Variants in EPC2 observed in about 807,000 individuals in gnomAD.
The protein encoded by EPC2 is enhancer of polycomb homolog 2.
Under a neutral mutation model 92.1 loss-of-function variants are expected in EPC2, and 14 were observed. The observed-to-expected ratio is 0.15, with a 90% CI of 0.10 to 0.24. EPC2 has a LOEUF of 0.24. Ranked by LOEUF, EPC2 falls within the 10% of genes least tolerant of loss-of-function variation. The pLI is 1.00. For synonymous variants in EPC2, 340 were observed against 334.7 expected (o/e 1.02, Z -0.17); for missense variants, 755 against 971.5 (o/e 0.78, Z 2.96).
At chr2:148,748,598 G>A (rs1683030162) in intron 3 of EPC2, among the ~76,000 whole-genome samples, 1 of 152,080 alleles carries the variant, frequency 6.6e-6, no homozygotes. Flanking sequence ...AATATTTACA[G>A]ATATATAATG....
intron 3 of EPC2, among the ~76,000 whole-genome samples, chr2:148,747,303 T>C (rs545372657): frequency 1.3e-5 from 2 of 152,232 alleles, no homozygotes; most frequent in African/African-American, 2.4e-5. Flanking sequence ...TCTACCTCCA[T>C]ACTACCTTTT....
At chr2:148,754,522 G>A (rs984154555) in intron 4 of EPC2, among the ~76,000 whole-genome samples, 1 of 152,128 alleles carries the variant, frequency 6.6e-6, no homozygotes, top group Non-Finnish European at 1.5e-5. Flanking sequence ...CCTGTGTTTG[G>A]GAAGCTGATA....
Position 148,786,934 on chromosome 2 carries a change from T to G in EPC2, c.*557T>G, listed in dbSNP as rs569580624. The G allele has an allele frequency of 6.5e-6, 1 of 153,002 alleles. No individual in the cohort carries two copies. The highest frequency in any genetic ancestry group is 2.4e-5 in the African/African-American group (1 of 41,580). 9.5% of individuals were successfully genotyped at this position (153,002 alleles called of 1,614,324 possible). On this transcript the variant is annotated 3_prime_UTR_variant, in exon 14 of 14. Transcript: ENST00000258484. ...TGGCATTTCACTGTCAAATATGAAG[T>G]TCAAGGCAAAATAGTATTTTCTATT...
At position 148,671,909 on chromosome 2, in the gene EPC2, AC is replaced by A. The variant is rs1681163166; in HGVS notation, c.154-18303del. ...CCTTGGATTACAAGCCAAATTGAAA[AC>A]CTTTTTGTTTTAGTAGGTGAGTTAA... On this transcript the variant is annotated intron_variant, in intron 1 of 13. Coordinates refer to ENST00000258484, the MANE Select transcript of EPC2 (RefSeq NM_015630.4). 2.0e-5 allele frequency among the ~76,000 whole-genome samples: 3 copies of A among 151,726 alleles called. No homozygotes were observed. The South Asian group carries it at 6.2e-4, about 32-fold the overall frequency.
In EPC2 at chr2:148,678,191, A is replaced by C. The variant is rs181567270; in HGVS notation, c.154-12023A>C. On this transcript the variant is annotated intron_variant, in intron 1 of 13. Coordinates refer to ENST00000258484, the MANE Select transcript of EPC2 (RefSeq NM_015630.4). ...ACAGAGTGTTGATTGGTGCATTCACAAACCTTGAGCTAGACACAGGGTGCT... is the reference window on the plus strand; with the variant it reads ...ACAGAGTGTTGATTGGTGCATTCACCAACCTTGAGCTAGACACAGGGTGCT... 2.3e-3 allele frequency among the ~76,000 whole-genome samples: 355 copies of C among 152,162 alleles called. 2 individuals carry two copies. The highest frequency in any genetic ancestry group is 7.5e-3 in the African/African-American group (312 of 41,516).
chr2:148,747,887 C>A (rs946413103), intron 3 of EPC2, among the ~76,000 whole-genome samples: 1 of 152,044 alleles, frequency 6.6e-6, no homozygotes, highest in African/African-American at 2.4e-5. Flanking sequence ...AACCTTTCCA[C>A]CTAAGCAAGT....
At chr2:148,720,174 G>C (rs1682340781) in intron 2 of EPC2, among the ~76,000 whole-genome samples, 1 of 152,238 alleles carries the variant, frequency 6.6e-6, no homozygotes, top group Non-Finnish European at 1.5e-5. Flanking sequence ...TCAGTGAAGA[G>C]GAATGGATTG....
chr2:148,664,427 G>C (rs1006968227), intron 1 of EPC2, among the ~76,000 whole-genome samples: 1 of 152,184 alleles, frequency 6.6e-6, no homozygotes, highest in Non-Finnish European at 1.5e-5. Context: ...GAGCCTTGGA[G>C]GTCAAGGCTG....
chr2:148,695,470 A>G (rs942426166), intron 2 of EPC2, among the ~76,000 whole-genome samples: 3 of 152,246 alleles, frequency 2.0e-5, no homozygotes, highest in African/African-American at 7.2e-5. Flanking sequence ...ATTGGAAAAG[A>G]GAAAAAGTTA....
chr2:148,784,756 C>T lies in EPC2; in HGVS notation c.2106C>T (p.His702=), dbSNP rs767295097. The T allele has an allele frequency of 6.2e-6, 10 of 1,614,008 alleles. No individual in the cohort carries two copies. Among genetic ancestry groups the T allele is most frequent in the African/African-American group, 1.3e-5 (1 of 75,034 alleles). ...TACAGCTTGTAAGGACAGTTGGCCA[C>T]ACCACTACAAACCACTTAATCCCAG... The part of the protein sequence containing the change: ...SAVQLVRTVG[H]TTTNHLIPAL... The change falls in exon 13 of 14, where the codon CAC becomes CAT. Residue 702 remains histidine (H), a synonymous_variant. Transcript: ENST00000258484.
Position 148,784,880 on chromosome 2 carries a change from GTGCA to G in EPC2, c.2232_2235del (p.His745SerfsTer13), listed in dbSNP as rs775601829. 1 of 1,612,018 alleles carries G rather than the reference GTGCA, an allele frequency of 6.2e-7. No individual in the cohort carries two copies. The highest frequency in any genetic ancestry group is 1.1e-5 in the South Asian group (1 of 90,696). ...TGTCAGTGTTGTTTCTCCAGTCAAT[GTGCA>G]TATCAATACACGGACTTCAGCACCA... is the stretch of plus-strand genomic sequence containing the variant. On this transcript the variant is annotated frameshift_variant, in exon 13 of 14. Transcript: ENST00000258484. LOFTEE classifies it high-confidence loss of function.
intron 1 of EPC2, among the ~76,000 whole-genome samples, chr2:148,655,649 G>C (rs1680776685): frequency 6.6e-6 from 1 of 152,166 alleles, no homozygotes; most frequent in Non-Finnish European, 1.5e-5. Context: ...TCTCATCCAA[G>C]TTCATGGACC....
At chr2:148,761,993 CA>C in intron 5 of EPC2, 63 bp downstream of exon 5, 2 of 1,406,058 alleles carry the variant, frequency 1.4e-6, no homozygotes, top group Non-Finnish European at 1.9e-6. Context: ...CAAAATGAAC[CA>C]AAAGATTTTT....
intron 1 of EPC2, among the ~76,000 whole-genome samples, chr2:148,684,401 C>T (rs1268646647): frequency 6.6e-6 from 1 of 152,108 alleles, no homozygotes; most frequent in East Asian, 1.9e-4. Context: ...CGTTTGGGTT[C>T]TTGGTCATGA....
At chr2:148,756,078 T>C (rs1480929040) in intron 4 of EPC2, among the ~76,000 whole-genome samples, 1 of 152,248 alleles carries the variant, frequency 6.6e-6, no homozygotes, top group East Asian at 1.9e-4. Flanking sequence ...TGTTAAAATA[T>C]GTTTTCTGCT....
intron 2 of EPC2, among the ~76,000 whole-genome samples, chr2:148,695,444 C>CAAGT (rs1681726290): frequency 6.6e-6 from 1 of 152,204 alleles, no homozygotes; most frequent in African/African-American, 2.4e-5. Context: ...ATAAAGCTGA[C>CAAGT]TGTTGTCAAG....
At chr2:148,653,979 G>C (rs1322119410) in intron 1 of EPC2, among the ~76,000 whole-genome samples, 1 of 138,246 alleles carries the variant, frequency 7.2e-6, no homozygotes, top group Non-Finnish European at 1.5e-5. Context: ...ACAGGGTCTT[G>C]CTCTGTCACC....
intron 2 of EPC2, among the ~76,000 whole-genome samples, chr2:148,709,594 T>C (rs1442895584): frequency 1.3e-5 from 2 of 152,210 alleles, no homozygotes; most frequent in African/African-American, 4.8e-5. Context: ...GACTTCAAAC[T>C]ATACTACAAG....
In EPC2 at chr2:148,783,759, A is replaced by G. The variant is rs1245288675; in HGVS notation, c.2017+3A>G. 1 of 1,566,778 alleles carries G rather than the reference A, an allele frequency of 6.4e-7. No homozygotes were observed. Among genetic ancestry groups the G allele is most frequent in the African/African-American group, 1.4e-5 (1 of 73,946 alleles). On this transcript the variant is annotated splice_donor_region_variant and intron_variant, in intron 12 of 13. Transcript: ENST00000258484. ...AAACGGTGTTGTCCAGCCTTCAGGT[A>G]CAGCTGGGGTTTCACATGGTACCTA...
Sources: allele counts gnomAD v4.1 joint callset (sites outside exome capture counted in the v4.1 genomes callset), GRCh38; gene constraint gnomAD v4.1.1; transcripts MANE v1.5; gene names NCBI Gene and HGNC (gene_info 2026-07-23, HGNC 2026-07-21).